PALLD: variants seen among roughly 807,000 people sequenced by gnomAD.
PALLD encodes the protein palladin, cytoskeletal associated protein, also known as palladin.
In PALLD, 61 loss-of-function variants were observed where a neutral mutation model predicts 123.5. That is an observed-to-expected ratio of 0.49 (90% confidence interval 0.40 to 0.61). The LOEUF (loss-of-function observed/expected upper bound fraction) is 0.61. Among genes scored for constraint, PALLD ranks in the 20% least tolerant of loss-of-function variants. PALLD has a pLI of 0.00. For missense variants in PALLD, 1,273 were observed against 1,377.0 expected, an observed-to-expected ratio of 0.92 and a Z score of 1.20; for synonymous variants, 465 against 496.4, an observed-to-expected ratio of 0.94 and a Z score of 0.84.
chr4:168,595,309 G>A (rs1179597537), intron 2 of PALLD, among the ~76,000 whole-genome samples: 5 of 152,224 alleles, frequency 3.3e-5, no homozygotes, highest in East Asian at 1.9e-4. Flanking sequence ...TTTGGCAAGT[G>A]TGAAAGAATA....
intron 10 of PALLD, among the ~76,000 whole-genome samples, chr4:168,796,195 C>T (rs1314239573): frequency 6.6e-6 from 1 of 152,078 alleles, no homozygotes; most frequent in African/African-American, 2.4e-5. Flanking sequence ...CCCACCTTGC[C>T]CCCCACTGTC....
At chr4:168,843,794 G>A (rs1039288476) in intron 10 of PALLD, among the ~76,000 whole-genome samples, 3 of 152,100 alleles carry the variant, frequency 2.0e-5, no homozygotes, top group African/African-American at 7.2e-5. Flanking sequence ...GCCCATGCCC[G>A]AAAAACTGGC....
intron 2 of PALLD, among the ~76,000 whole-genome samples, chr4:168,573,109 A>G (rs1273656422): frequency 6.6e-6 from 1 of 150,982 alleles, no homozygotes; most frequent in African/African-American, 2.4e-5. Context: ...CTTTCTTTCC[A>G]TTTCTCAAGA....
chr4:168,919,312 T>TCAGGAATCCGAGACCAGCCTGGCCAA (rs1760921188), intron 17 of PALLD, among the ~76,000 whole-genome samples: 1 of 151,944 alleles, frequency 6.6e-6, no homozygotes, highest in Admixed American at 6.6e-5. Context: ...TCACCTGAGG[T>TCAGGAATCCGAGACCAGCCTGGCCAA]CAGGAATCCG....
intron 10 of PALLD, among the ~76,000 whole-genome samples, chr4:168,823,146 A>G (rs1192805769): frequency 6.6e-6 from 1 of 151,972 alleles, no homozygotes; most frequent in African/African-American, 2.4e-5. Flanking sequence ...ATTTATGTTC[A>G]CTTTTTCCTT....
chr4:168,810,649 A>G (rs1225710129), intron 10 of PALLD, among the ~76,000 whole-genome samples: 1 of 150,490 alleles, frequency 6.6e-6, no homozygotes, highest in Admixed American at 6.6e-5. Flanking sequence ...GTCTCAAAAA[A>G]AAAAAAAAGA....
Position 168,924,347 on chromosome 4 carries a change from T to C in PALLD, c.3151T>C (p.Leu1051=). 6.2e-7 allele frequency: 1 copy of C among 1,613,874 alleles called. No individual in the cohort carries two copies. Among genetic ancestry groups the C allele is most frequent in the Non-Finnish European group, 8.5e-7 (1 of 1,179,844 alleles). The change falls in exon 19 of 22, where the codon TTG becomes CTG. Residue 1051 remains leucine, a synonymous_variant. Transcript: ENST00000505667. ...GYPVRLECRV[L]GVPPPQIFWK... is the part of the protein sequence containing the mutation. ...CCCAGTGCGGCTGGAATGTCGTGTA[T>C]TGGGAGTGCCACCACCTCAGATATT... is the stretch of plus-strand genomic sequence containing the variant.
chr4:168,573,598 A>G (rs754255533), intron 2 of PALLD, among the ~76,000 whole-genome samples: 1 of 152,076 alleles, frequency 6.6e-6, no homozygotes, highest in Non-Finnish European at 1.5e-5. Context: ...CAATTTAGAG[A>G]GATGATTGCT....
At chr4:168,884,333 C>T (rs552123085) in intron 10 of PALLD, among the ~76,000 whole-genome samples, 155 of 152,306 alleles carry the variant, frequency 1.0e-3, no homozygotes, top group African/African-American at 3.4e-3. Context: ...AAACTGTATT[C>T]CATACCTCTT....
intron 10 of PALLD, among the ~76,000 whole-genome samples, chr4:168,766,293 G>A (rs1319392614): frequency 6.6e-6 from 1 of 152,164 alleles, no homozygotes; most frequent in South Asian, 2.1e-4. Context: ...TCTGCCTATG[G>A]AATAGCCATT....
chr4:168,837,449 T>C (rs1047773442), intron 10 of PALLD, among the ~76,000 whole-genome samples: 1 of 152,252 alleles, frequency 6.6e-6, no homozygotes, highest in Non-Finnish European at 1.5e-5. Context: ...TTTTTCTTTT[T>C]CATGCCAGTC....
At chr4:168,795,169 A>ATAAG (rs1738305547) in intron 10 of PALLD, among the ~76,000 whole-genome samples, 1 of 152,230 alleles carries the variant, frequency 6.6e-6, no homozygotes, top group Non-Finnish European at 1.5e-5. Flanking sequence ...TAGGATTTCA[A>ATAAG]CATAAGAATT....
intron 14 of PALLD, among the ~76,000 whole-genome samples, chr4:168,903,093 A>T (rs1008142264): frequency 2.0e-5 from 3 of 152,312 alleles, no homozygotes; most frequent in South Asian, 4.1e-4. Context: ...CCCAAGTTAC[A>T]TATCTGAAAA....
intron 11 of PALLD, among the ~76,000 whole-genome samples, chr4:168,893,910 G>T (rs1754575407): frequency 6.6e-6 from 1 of 152,212 alleles, no homozygotes; most frequent in African/African-American, 2.4e-5. Flanking sequence ...CAAGTGTCTT[G>T]TGTAATCCTG....
chr4:168,565,589 G>C (rs1054246358), intron 2 of PALLD, among the ~76,000 whole-genome samples: 13 of 152,034 alleles, frequency 8.6e-5, no homozygotes, highest in Non-Finnish European at 1.8e-4. Context: ...CAGGTGGCCA[G>C]GTCTAATGTC....
chr4:168,760,667 C>T (rs1373731725), intron 10 of PALLD, among the ~76,000 whole-genome samples: 1 of 152,206 alleles, frequency 6.6e-6, no homozygotes, highest in East Asian at 1.9e-4. Context: ...ACATCTGTCT[C>T]ACCCAAGAGC....
chr4:168,651,710 A>T (rs1057178544), intron 2 of PALLD, among the ~76,000 whole-genome samples: 2 of 152,166 alleles, frequency 1.3e-5, no homozygotes, highest in African/African-American at 4.8e-5. Flanking sequence ...ATGATGCTTT[A>T]CAAGAAGAAG....
intron 11 of PALLD, among the ~76,000 whole-genome samples, chr4:168,892,033 C>T (rs1754225555): frequency 6.6e-6 from 1 of 152,132 alleles, no homozygotes; most frequent in Non-Finnish European, 1.5e-5. Context: ...TGTAGAGTAC[C>T]TAAATAGATT....
In PALLD at chr4:168,504,487, G is replaced by A. The variant is rs377681140; in HGVS notation, c.-82-6936G>A. ...CAGGCACCTGTAGCCCCAGCTACTC[G>A]GGAGACTGAGGAAGGAGAATCTCTT... On this transcript the variant is annotated intron_variant, in intron 1 of 21. Transcript: ENST00000505667. Among the ~76,000 whole-genome samples the A allele has an allele frequency of 7.9e-5, 12 of 152,052 alleles. No homozygotes were observed. The East Asian group carries it at 1.2e-3, about 15-fold the overall frequency.
Sources: gnomAD v4.1 joint callset for allele counts (sites outside exome capture counted in the v4.1 genomes callset) on GRCh38, gnomAD v4.1.1 for gene constraint, MANE v1.5 for transcripts, NCBI Gene and HGNC (gene_info 2026-07-23, HGNC 2026-07-21) for gene names.